The following PKD1 variants were observed in gnomAD, a reference collection of about 807,000 sequenced individuals.
PKD1 encodes polycystin 1, transient receptor potential channel interacting.
PKD1 carries 81 observed loss-of-function variants against 361.7 expected under a neutral mutation model. That is an observed-to-expected ratio of 0.22 (90% CI 0.19 to 0.27). The LOEUF (loss-of-function observed/expected upper bound fraction) is 0.27. Ranked by LOEUF, PKD1 falls within the 10% of genes least tolerant of loss-of-function variation. PKD1 has a pLI of 1.00. For synonymous variants in PKD1, 3,615 were observed against 2,818.3 expected (o/e 1.28, Z -8.95); for missense variants, 6,399 against 6,118.3 (o/e 1.05, Z -1.53).
intron 37 of PKD1, 188 bp from the exon 38 acceptor site, chr16:2,093,281 GCAGA>G (rs1311544854): frequency 5.4e-6 from 4 of 734,712 alleles, no homozygotes; most frequent in Non-Finnish European, 9.1e-6. Context: ...CCACCTGGGG[GCAGA>G]CACACAGGCC....
chr16:2,109,072 G>A lies in PKD1; in HGVS notation c.6095C>T (p.Ala2032Val), dbSNP rs371032245. Residue 2032 changes from alanine to valine, a missense_variant, in exon 15 of 46, where the codon GCC becomes GTC. Transcript: ENST00000262304. The stretch of plus-strand genomic sequence containing the variant: ...CACCTGGATCTCCAACAGCCCCGCG[G>A]CCACGGGCGTGTAGGTGACGTCGCG... The part of the protein sequence containing the change: ...SGRDVTYTPV[A>V]AGLLEIQVRA... 4.4e-6 allele frequency: 7 copies of A among 1,605,446 alleles called. No individual in the cohort carries two copies. The highest frequency in any genetic ancestry group is 1.3e-5 in the African/African-American group (1 of 74,810).
chr16:2,089,685 G>A lies in PKD1; in HGVS notation c.*42C>T, dbSNP rs368143590. On this transcript the variant is annotated 3_prime_UTR_variant, in exon 46 of 46. Coordinates refer to ENST00000262304, the MANE Select transcript of PKD1 (RefSeq NM_001009944.3). ...GCGGCAGAAAGTAATACTGAGCGGTGTCCACTCCGACTCCACGGCCCACCC... is the reference window on the plus strand; with the variant it reads ...GCGGCAGAAAGTAATACTGAGCGGTATCCACTCCGACTCCACGGCCCACCC... The A allele has an allele frequency of 1.9e-5, 30 of 1,550,562 alleles. No individual in the cohort carries two copies. The highest frequency in any genetic ancestry group is 2.6e-5 in the Non-Finnish European group (30 of 1,147,834).
chr16:2,097,415 G>A lies in PKD1; in HGVS notation c.10309C>T (p.Leu3437=). Residue 3437 remains leucine (L), a synonymous_variant, in exon 33 of 46, where the codon CTG becomes TTG. Transcript: ENST00000262304. The part of the protein sequence containing the change: ...PSIVGSNLRQ[L]ARGQAGHGLG... The stretch of plus-strand genomic sequence containing the variant: ...CCATGGCCCGCCTGGCCCCGTGCCA[G>A]CTGCCGCAGATTGCTACCCACAATG... 1 of 1,609,332 alleles carries A rather than the reference G, an allele frequency of 6.2e-7. No individual in the cohort carries two copies. Among genetic ancestry groups the A allele is most frequent in the Non-Finnish European group, 8.5e-7 (1 of 1,179,916 alleles).
rs563308446 is a variant in PKD1, at chr16:2,102,491, G to A, written c.9091C>T (p.Leu3031=). 24 of 1,578,182 alleles carry A rather than the reference G, an allele frequency of 1.5e-5. No homozygotes were observed. In the African/African-American group the frequency reaches 3.1e-4, roughly 20 times the overall value. ...EDMVWRTEGL[L]PLEETSPRQA... ...CGGGGCGAGGTCTCCTCCAGGGGCA[G>A]CAGCCCCTCTGTCCGCCACACCATG... Residue 3031 remains leucine, a synonymous_variant, in exon 25 of 46, where the codon CTG becomes TTG. Transcript: ENST00000262304.
Position 2,100,125 on chromosome 16 carries a change from C to G in PKD1, c.9712+41G>C. Reference sequence around the variant, plus strand: ...GAGGCCACGGGGCAGGACCACCCTGCCCAACCTCCCACGGAGTGGGAACAT... The same window carrying G: ...GAGGCCACGGGGCAGGACCACCCTGGCCAACCTCCCACGGAGTGGGAACAT... On this transcript the variant is annotated intron_variant, in intron 28 of 45. Coordinates refer to ENST00000262304, the MANE Select transcript of PKD1 (RefSeq NM_001009944.3). This position sits in a 1 kb window ranked among gnomAD's most constrained non-coding sequence, Gnocchi z 4.4. The G allele has an allele frequency of 6.2e-7, 1 of 1,603,932 alleles. No individual in the cohort carries two copies. Among genetic ancestry groups the G allele is most frequent in the African/African-American group, 1.3e-5 (1 of 74,760 alleles).
chr16:2,090,367 G>T lies in PKD1; in HGVS notation c.12362C>A (p.Ala4121Asp), dbSNP rs1236323799. 1.9e-6 allele frequency: 3 copies of T among 1,612,636 alleles called. No individual in the cohort carries two copies. The highest frequency in any genetic ancestry group is 3.3e-4 in the Middle Eastern group (2 of 6,062). Residue 4121 changes from alanine to aspartate, a missense_variant, in exon 45 of 46, where the codon GCC (alanine) becomes GAC (aspartate). By Grantham distance (126) the Ala-to-Asp change is moderately radical (BLOSUM62 -2). Transcript: ENST00000262304. The stretch of plus-strand genomic sequence containing the variant: ...CATCTCGTAGTCCTGGGGCTCCCAG[G>T]CCGGCCGGTACAGCTCTCCACGCAA... ...HALRGELYRPAWEPQDYEMVE... is the reference protein window; with the variant it reads ...HALRGELYRPDWEPQDYEMVE...
rs532114408 is a variant in PKD1, at chr16:2,112,653, C to T, written c.3161+135G>A. On this transcript the variant is annotated intron_variant, in intron 13 of 45. Transcript: ENST00000262304. ...CCCGTGCAGCCTCAGGGCTCCTGTG[C>T]ACCCAGTTACCTCCCAACAGACAGG... is the stretch of plus-strand genomic sequence containing the variant. The T allele has an allele frequency of 2.2e-5, 24 of 1,115,494 alleles. No individual in the cohort carries two copies. The South Asian group carries it at 2.7e-4, about 12-fold the overall frequency. The allele number at this position is 1,115,494 out of a possible 1,614,324, so 69.1% of individuals were successfully genotyped here.
rs759675514 is a variant in PKD1 at position 2,093,672 on chromosome 16, G to A, written c.10888C>T (p.Leu3630=). The change falls in exon 37 of 46, where the codon CTG becomes TTG. Residue 3630 remains leucine, a synonymous_variant. Coordinates refer to ENST00000262304, the MANE Select transcript of PKD1 (RefSeq NM_001009944.3). ...KRLHPDEDDT[L]VESPAVTPVS... Reference sequence around the variant, plus strand: ...GGCGTCACAGCCGGGCTCTCTACCAGGGTGTCATCTTCATCCGGGTGCAGC... The same window carrying A: ...GGCGTCACAGCCGGGCTCTCTACCAAGGTGTCATCTTCATCCGGGTGCAGC... 1.7e-5 allele frequency: 28 copies of A among 1,606,994 alleles called. No individual in the cohort carries two copies. In the Admixed American group the frequency reaches 4.5e-4, roughly 26 times the overall value.
intron 38 of PKD1, 163 bp downstream of exon 38, chr16:2,092,791 G>C: frequency 1.1e-6 from 1 of 910,854 alleles, no homozygotes; most frequent in Non-Finnish European, 1.8e-6. Context: ...TGCAAGACAC[G>C]GACCTGTGTC....
intron 30 of PKD1, 147 bp downstream of exon 30, chr16:2,099,497 G>A (rs546564158): frequency 2.8e-6 from 2 of 717,692 alleles, no homozygotes; most frequent in Admixed American, 2.0e-5. Flanking sequence ...GTCTAGCTAA[G>A]GCTGCTCAAG....
intron 1 of PKD1, among the ~76,000 whole-genome samples, chr16:2,131,468 G>A (rs1461081156): frequency 6.6e-6 from 1 of 151,374 alleles, no homozygotes; most frequent in Non-Finnish European, 1.5e-5. Context: ...AGATGGCACT[G>A]CTGCACTCCA....
Position 2,118,522 on chromosome 16 carries a change from C to A in PKD1, c.530-60G>T. 9.9e-6 allele frequency: 14 copies of A among 1,412,200 alleles called. No individual in the cohort carries two copies. The highest frequency in any genetic ancestry group is 1.4e-5 in the Non-Finnish European group (14 of 1,035,098). The allele number at this position is 1,412,200 out of a possible 1,614,324, so 87.5% of individuals were successfully genotyped here. Reference sequence around the variant, plus strand: ...TCCTCCTGGCTCCACCCCACGCCCCCACATCCGCCCGCCGCACTCACAGGC... The same window carrying A: ...TCCTCCTGGCTCCACCCCACGCCCCAACATCCGCCCGCCGCACTCACAGGC... On this transcript the variant is annotated intron_variant, in intron 4 of 45. Coordinates refer to ENST00000262304, the MANE Select transcript of PKD1 (RefSeq NM_001009944.3). This position sits in a 1 kb window ranked among gnomAD's most constrained non-coding sequence, Gnocchi z 6.0.
At chr16:2,116,204 G>A (rs1469936879) in intron 8 of PKD1, 86 bp from the exon 9 acceptor site, 9 of 1,400,986 alleles carry the variant, frequency 6.4e-6, no homozygotes, top group Non-Finnish European at 8.8e-6. Context: ...CCCAGGAAGA[G>A]GGGAGGGAAG....
chr16:2,113,416 C>G, intron 11 of PKD1, 124 bp from the exon 12 acceptor site: 1 of 1,075,450 alleles, frequency 9.3e-7, no homozygotes, highest in Non-Finnish European at 1.4e-6. Flanking sequence ...AGGAGGTGCC[C>G]GGGGCTCTGC....
Position 2,109,851 on chromosome 16 carries a change from G to A in PKD1, c.5316C>T (p.Pro1772=). 6.2e-7 allele frequency: 1 copy of A among 1,610,670 alleles called. No individual in the cohort carries two copies. Among genetic ancestry groups the A allele is most frequent in the Non-Finnish European group, 8.5e-7 (1 of 1,179,826 alleles). ...TGGTGACCAAGTGCAGGCCGGGTGT[G>A]GGGAAGCTATGGGTGGTAAATGGCT... ...TSEPFTTHSF[P]TPGLHLVTMT... Residue 1772 remains proline, a synonymous_variant, in exon 15 of 46, where the codon CCC becomes CCT. Coordinates refer to ENST00000262304, the MANE Select transcript of PKD1 (RefSeq NM_001009944.3).
At position 2,116,115 on chromosome 16, in the gene PKD1, T is replaced by G; in HGVS notation, c.1726A>C (p.Met576Leu). 6.4e-7 allele frequency: 1 copy of G among 1,555,236 alleles called. No individual in the cohort carries two copies. The highest frequency in any genetic ancestry group is 2.3e-5 in the East Asian group (1 of 43,670). The change falls in exon 9 of 46, where the codon ATG becomes CTG. Residue 576 changes from methionine (M) to leucine (L), a missense_variant. By Grantham distance (15) the Met-to-Leu change is conservative (BLOSUM62 2). Coordinates refer to ENST00000262304, the MANE Select transcript of PKD1 (RefSeq NM_001009944.3). ...CTCAGACGCAGGCCCGGGAATACCA[T>G]GACCTGGTGGGCAGGGGGCCGCCTC... is the stretch of plus-strand genomic sequence containing the variant. ...LSAPHEPVEV[M>L]VFPGLRLSRE...
At position 2,097,374 on chromosome 16, in the gene PKD1, C is replaced by G. The variant is rs1391324708; in HGVS notation, c.10350G>C (p.Glu3450Asp). ...GQAGHGLGPE[E>D]DGFSLASPYS... ...AGGGGCTGGCCAGGGAGAAGCCGTC[C>G]TCCTCTGGGCCCAGCCCATGGCCCG... Residue 3450 changes from glutamate to aspartate, a missense_variant, in exon 33 of 46, where the codon GAG becomes GAC. Glu to Asp is a conservative substitution (Grantham distance 45). Transcript: ENST00000262304. 3 of 1,611,734 alleles carry G rather than the reference C, an allele frequency of 1.9e-6. No individual in the cohort carries two copies. Among genetic ancestry groups the G allele is most frequent in the African/African-American group, 1.3e-5 (1 of 74,942 alleles).
intron 37 of PKD1, 94 bp downstream of exon 37, chr16:2,093,450 G>T: frequency 8.2e-7 from 1 of 1,215,580 alleles, no homozygotes; most frequent in Non-Finnish European, 1.2e-6. Flanking sequence ...CTTCTGAGGT[G>T]AGGAAAGGGG....
chr16:2,113,926 A>C, intron 11 of PKD1: 1 of 583,948 alleles, frequency 1.7e-6, no homozygotes, highest in South Asian at 2.0e-5. Flanking sequence ...CAGAGTTTTA[A>C]ATTCATTTTG....
Sources: allele counts gnomAD v4.1 joint callset (sites outside exome capture counted in the v4.1 genomes callset), GRCh38; gene constraint gnomAD v4.1.1; non-coding constraint Gnocchi (gnomAD v3.1); transcripts MANE v1.5; gene names NCBI Gene and HGNC (gene_info 2026-07-23, HGNC 2026-07-21).